TMEFF2: variants seen among roughly 807,000 people sequenced by gnomAD.
The protein encoded by TMEFF2 is transmembrane protein with EGF like and two follistatin like domains 2.
A neutral mutation model predicts 53.8 loss-of-function variants in TMEFF2; 28 were observed. That is an observed-to-expected ratio of 0.52 (90% CI 0.39 to 0.71). The LOEUF (loss-of-function observed/expected upper bound fraction) is 0.71, where lower values mean the gene tolerates loss of function less well. Ranked by LOEUF, TMEFF2 falls within the 30% of genes least tolerant of loss-of-function variation. The pLI is 0.00. For missense variants in TMEFF2, 353 were observed against 455.2 expected (o/e 0.78, Z 2.04); for synonymous variants, 162 against 166.3 (o/e 0.97, Z 0.20).
In TMEFF2 at chr2:192,119,780, T is replaced by C. The variant is rs145751803; in HGVS notation, c.439+59888A>G. On this transcript the variant is annotated intron_variant, in intron 4 of 9. Coordinates refer to ENST00000272771, the MANE Select transcript of TMEFF2 (RefSeq NM_016192.4). Reference sequence around the variant, plus strand: ...GTGATTCAAACAATGTCATCTGTCCTCTAAATGAATTGACAGCAGTGTAGT... The same window carrying C: ...GTGATTCAAACAATGTCATCTGTCCCCTAAATGAATTGACAGCAGTGTAGT... 8.9e-3 allele frequency among the ~76,000 whole-genome samples: 1,353 copies of C among 152,328 alleles called. 18 individuals are homozygous for C. The highest frequency in any genetic ancestry group is 0.03 in the African/African-American group (1,248 of 41,582).
intron 4 of TMEFF2, among the ~76,000 whole-genome samples, chr2:192,125,788 C>G (rs1389485597): frequency 6.6e-6 from 1 of 152,168 alleles, no homozygotes; most frequent in Non-Finnish European, 1.5e-5. Flanking sequence ...AAACCAAACA[C>G]TACATGTTCT....
chr2:192,013,505 C>T (rs1008155782), intron 5 of TMEFF2, among the ~76,000 whole-genome samples: 1 of 151,572 alleles, frequency 6.6e-6, no homozygotes, highest in African/African-American at 2.4e-5. Context: ...GGCTGTAGCG[C>T]AGTGGCACAA....
chr2:192,134,874 GCT>G (rs1689960202), intron 4 of TMEFF2, among the ~76,000 whole-genome samples: 1 of 151,990 alleles, frequency 6.6e-6, no homozygotes, highest in Non-Finnish European at 1.5e-5. Flanking sequence ...ATTTTTTCAG[GCT>G]CTTAGTATTC....
At chr2:192,183,812 T>C (rs974085089) in intron 3 of TMEFF2, among the ~76,000 whole-genome samples, 2 of 152,102 alleles carry the variant, frequency 1.3e-5, no homozygotes, top group Non-Finnish European at 2.9e-5. Flanking sequence ...CCCAGGTTAA[T>C]TGAGTCAGAA....
chr2:192,017,534 A>G (rs1686769609), intron 5 of TMEFF2, among the ~76,000 whole-genome samples: 1 of 152,186 alleles, frequency 6.6e-6, no homozygotes, highest in East Asian at 1.9e-4. Flanking sequence ...TGAACATTCT[A>G]TTCTTTTTCT....
intron 4 of TMEFF2, among the ~76,000 whole-genome samples, chr2:192,128,314 G>A (rs1009732400): frequency 1.4e-4 from 22 of 152,194 alleles, no homozygotes; most frequent in Non-Finnish European, 1.5e-4. Flanking sequence ...AGCATTAGTC[G>A]AATATAAGAA....
chr2:192,160,432 C>A (rs575606169), intron 4 of TMEFF2, among the ~76,000 whole-genome samples: 6 of 152,118 alleles, frequency 3.9e-5, no homozygotes, highest in Admixed American at 2.6e-4. Flanking sequence ...TGGCTTCTGG[C>A]ACAACTCTGG....
At chr2:192,090,696 A>G (rs568407969) in intron 4 of TMEFF2, among the ~76,000 whole-genome samples, 6 of 152,272 alleles carry the variant, frequency 3.9e-5, no homozygotes, top group East Asian at 3.9e-4. Context: ...TGCAACTCAG[A>G]TGTAGGCATT....
At chr2:192,011,819 A>G (rs1470908526) in intron 5 of TMEFF2, among the ~76,000 whole-genome samples, 1 of 152,118 alleles carries the variant, frequency 6.6e-6, no homozygotes, top group Non-Finnish European at 1.5e-5. Context: ...CATTTTATAC[A>G]TTGTCAGTCT....
intron 4 of TMEFF2, among the ~76,000 whole-genome samples, chr2:192,148,954 G>C (rs1161047607): frequency 2.0e-5 from 3 of 151,824 alleles, no homozygotes. Context: ...CTGTGTCCAG[G>C]AGGTCCCTAA....
chr2:192,190,325 A>C (rs1691431884), intron 2 of TMEFF2, among the ~76,000 whole-genome samples: 1 of 152,088 alleles, frequency 6.6e-6, no homozygotes, highest in African/African-American at 2.4e-5. Flanking sequence ...CATGGTTATG[A>C]AAATAAGACA....
chr2:192,002,309 G>A (rs1686384263), intron 5 of TMEFF2, among the ~76,000 whole-genome samples: 4 of 152,122 alleles, frequency 2.6e-5, no homozygotes, highest in Non-Finnish European at 5.9e-5. Flanking sequence ...CTTCAGGAAT[G>A]CATGGATTAT....
chr2:192,050,851 A>G (rs770831973), intron 5 of TMEFF2, among the ~76,000 whole-genome samples: 18 of 152,156 alleles, frequency 1.2e-4, no homozygotes, highest in Non-Finnish European at 2.2e-4. Flanking sequence ...GCAAACCCCA[A>G]CTTTCAGATT....
At chr2:192,133,045 C>T (rs370947196) in intron 4 of TMEFF2, among the ~76,000 whole-genome samples, 6 of 152,164 alleles carry the variant, frequency 3.9e-5, no homozygotes, top group Middle Eastern at 3.4e-3. Flanking sequence ...CCCTTGCCTC[C>T]GTAACTGTTG....
intron 4 of TMEFF2, among the ~76,000 whole-genome samples, chr2:192,073,419 G>T (rs2105917744): frequency 6.6e-6 from 1 of 151,662 alleles, no homozygotes; most frequent in Non-Finnish European, 1.5e-5. Context: ...AGCTGGGAAT[G>T]ATTTCAACTT....
intron 4 of TMEFF2, among the ~76,000 whole-genome samples, chr2:192,059,587 C>A (rs1687995740): frequency 6.6e-6 from 1 of 152,158 alleles, no homozygotes; most frequent in African/African-American, 2.4e-5. Flanking sequence ...ATGGCAAGGA[C>A]CTTAATGAAC....
At position 192,192,001 on chromosome 2, in the gene TMEFF2, A is replaced by G. The variant is rs747160704; in HGVS notation, c.173-12T>C. The G allele has an allele frequency of 5.2e-6, 8 of 1,548,738 alleles. No homozygotes were observed. Among genetic ancestry groups the G allele is most frequent in the South Asian group, 1.1e-5 (1 of 89,532 alleles). On this transcript the variant is annotated splice_polypyrimidine_tract_variant and intron_variant, in intron 1 of 9. Transcript: ENST00000272771. ...TCTGTCATCATAACCTCAAATTCAA[A>G]GAGAACACTCCAGTCATTAAAACAT...
chr2:192,178,239 T>A (rs1691098094), intron 4 of TMEFF2: 1 of 151,000 alleles, frequency 6.6e-6, no homozygotes, highest in Admixed American at 6.6e-5. Context: ...TTTTAAAAAA[T>A]TAATTGATTT....
intron 5 of TMEFF2, among the ~76,000 whole-genome samples, chr2:192,049,897 A>G (rs1687725069): frequency 6.6e-6 from 1 of 152,132 alleles, no homozygotes; most frequent in South Asian, 2.1e-4. Context: ...GCTACCCGGG[A>G]GGCTGAGGCA....
Sources: gnomAD v4.1 joint callset for allele counts (sites outside exome capture counted in the v4.1 genomes callset) on GRCh38, gnomAD v4.1.1 for gene constraint, MANE v1.5 for transcripts, NCBI Gene and HGNC (gene_info 2026-07-23, HGNC 2026-07-21) for gene names.